The following SCAPER variants were observed in gnomAD, a reference collection of about 807,000 sequenced individuals.
The protein encoded by SCAPER is S phase cyclin A-associated protein in the endoplasmic reticulum.
Under a neutral mutation model 182.2 loss-of-function variants are expected in SCAPER, and 98 were observed. The observed-to-expected ratio is 0.54, with a 90% CI of 0.46 to 0.64. The LOEUF is 0.64. SCAPER is among the 30% of genes least tolerant of loss of function. The probability of loss-of-function intolerance (pLI) is 0.00; values close to 1 mark genes in which losing one functional copy is unlikely to be tolerated. For synonymous variants in SCAPER, 605 were observed against 564.6 expected (o/e 1.07, Z -1.01); for missense variants, 1,432 against 1,690.0 (o/e 0.85, Z 2.68).
At position 76,891,929 on chromosome 15, in the gene SCAPER, A is replaced by G. The variant is rs148475916; in HGVS notation, c.-59-8053T>C. On this transcript the variant is annotated intron_variant, in intron 1 of 31. Coordinates refer to ENST00000563290, the MANE Select transcript of SCAPER (RefSeq NM_020843.4). ...TTCATACTACCTGACTTCAAACTAT[A>G]CTACAAGGCTACAGTAACCAAAACA... Among the ~76,000 whole-genome samples the G allele has an allele frequency of 2.1e-3, 313 of 152,338 alleles. 2 individuals carry two copies. The highest frequency in any genetic ancestry group is 7.0e-3 in the African/African-American group (290 of 41,562).
chr15:76,608,513 G>A (rs978892652), intron 22 of SCAPER, among the ~76,000 whole-genome samples: 5 of 152,130 alleles, frequency 3.3e-5, no homozygotes, highest in Admixed American at 1.3e-4. Context: ...CTCAAGTTGC[G>A]TGCTGGGAGA....
intron 26 of SCAPER, among the ~76,000 whole-genome samples, chr15:76,421,627 T>G: frequency 6.6e-6 from 1 of 152,226 alleles, no homozygotes; most frequent in Non-Finnish European, 1.5e-5. Flanking sequence ...TTAGTTTAAT[T>G]AGATCCCATT....
intron 21 of SCAPER, among the ~76,000 whole-genome samples, chr15:76,627,476 T>A (rs779004886): frequency 1.3e-5 from 2 of 152,040 alleles, no homozygotes; most frequent in Non-Finnish European, 2.9e-5. Flanking sequence ...CCATTGTGTG[T>A]TGTTCCCCTC....
At chr15:76,774,702 C>T (rs2063646351) in intron 9 of SCAPER, among the ~76,000 whole-genome samples, 153 bp downstream of exon 9, 1 of 152,212 alleles carries the variant, frequency 6.6e-6, no homozygotes, top group African/African-American at 2.4e-5. Context: ...GGGAGGAGTT[C>T]GTTGTTCTAT....
chr15:76,359,065 G>A (rs1387165792), intron 29 of SCAPER, among the ~76,000 whole-genome samples: 1 of 152,220 alleles, frequency 6.6e-6, no homozygotes, highest in African/African-American at 2.4e-5. Context: ...GATAGTGTCT[G>A]TGACCATAAA....
At chr15:76,761,106 A>C (rs772346833) in intron 14 of SCAPER, among the ~76,000 whole-genome samples, 11 of 152,116 alleles carry the variant, frequency 7.2e-5, no homozygotes, top group Non-Finnish European at 1.2e-4. Flanking sequence ...CTAGGAATTT[A>C]TCCACTTCTT....
intron 25 of SCAPER, among the ~76,000 whole-genome samples, chr15:76,436,744 A>G (rs1337831590): frequency 6.6e-6 from 1 of 152,196 alleles, no homozygotes; most frequent in Non-Finnish European, 1.5e-5. Flanking sequence ...AGATTGATGA[A>G]TGAATATATC....
Position 76,708,533 on chromosome 15 carries a change from A to G in SCAPER, c.2166-2549T>C, listed in dbSNP as rs76202242. ...ATACATAAATGTAAAAATAGTTTCAAATCAATCAACTAAGCTTCAACCTCA... is the reference window on the plus strand; with the variant it reads ...ATACATAAATGTAAAAATAGTTTCAGATCAATCAACTAAGCTTCAACCTCA... On this transcript the variant is annotated intron_variant, in intron 17 of 31. Coordinates refer to ENST00000563290, the MANE Select transcript of SCAPER (RefSeq NM_020843.4). Among the ~76,000 whole-genome samples the G allele has an allele frequency of 5.0e-3, 754 of 152,246 alleles. 13 individuals are homozygous for G. The highest frequency in any genetic ancestry group is 0.029 in the East Asian group (148 of 5,192).
intron 5 of SCAPER, among the ~76,000 whole-genome samples, chr15:76,816,817 T>G (rs879396063): frequency 7.9e-5 from 12 of 152,134 alleles, no homozygotes; most frequent in Admixed American, 7.2e-4. Context: ...AATGCCCAGC[T>G]AATTTTTTTT....
chr15:76,707,242 A>G (rs924281192), intron 17 of SCAPER, among the ~76,000 whole-genome samples: 1 of 152,146 alleles, frequency 6.6e-6, no homozygotes, highest in Non-Finnish European at 1.5e-5. Flanking sequence ...CTTGAGACAT[A>G]GAAAACAAAT....
intron 5 of SCAPER, among the ~76,000 whole-genome samples, chr15:76,815,983 C>T (rs185313424): frequency 1.1e-4 from 17 of 152,134 alleles, no homozygotes; most frequent in Non-Finnish European, 2.1e-4. Flanking sequence ...AGTAAAAATA[C>T]GTTGCAAAAT....
intron 15 of SCAPER, among the ~76,000 whole-genome samples, chr15:76,738,770 A>G (rs79304333): frequency 0.017 from 2,610 of 152,276 alleles, 58 homozygotes; most frequent in African/African-American, 0.052. Flanking sequence ...TAGTAACTCC[A>G]AAGATCACTT....
At chr15:76,903,863 C>T (rs948559207) in intron 1 of SCAPER, among the ~76,000 whole-genome samples, 11 of 152,130 alleles carry the variant, frequency 7.2e-5, no homozygotes, top group Non-Finnish European at 1.3e-4. Context: ...GGATATTATT[C>T]CTACTTTACA....
At chr15:76,657,187 T>C (rs1055515049) in intron 21 of SCAPER, among the ~76,000 whole-genome samples, 1 of 151,918 alleles carries the variant, frequency 6.6e-6, no homozygotes, top group African/African-American at 2.4e-5. Context: ...AAGATCCAAA[T>C]AAGCACAATC....
intron 5 of SCAPER, among the ~76,000 whole-genome samples, chr15:76,815,475 C>A (rs925698733): frequency 6.6e-6 from 1 of 152,184 alleles, no homozygotes; most frequent in Non-Finnish European, 1.5e-5. Flanking sequence ...CATTGTTAGG[C>A]AATTTCATCA....
chr15:76,556,768 C>T (rs1227003954), intron 23 of SCAPER, among the ~76,000 whole-genome samples: 1 of 151,758 alleles, frequency 6.6e-6, no homozygotes, highest in Non-Finnish European at 1.5e-5. Flanking sequence ...AGCAATCAGG[C>T]ATGAGAAAAA....
chr15:76,354,029 C>T lies in SCAPER; in HGVS notation c.3967G>A (p.Ala1323Thr), dbSNP rs777730048. The T allele has an allele frequency of 1.8e-5, 29 of 1,607,086 alleles. No homozygotes were observed. The highest frequency in any genetic ancestry group is 1.7e-4 in the Middle Eastern group (1 of 6,056). ...LIKVLFPSLI[A>T]ACYNNHQNKI... ...TTCTGATGGTTGTTGTAACAAGCAG[C>T]GATAAGTGAAGGGAACAGTACTTTG... Residue 1323 changes from alanine to threonine, a missense_variant, in exon 30 of 32, where the codon GCT becomes ACT. Ala to Thr is a moderately conservative substitution (Grantham distance 58, BLOSUM62 0). This residue lies in a region of SCAPER where 718 missense variants were observed against 799.7 expected (regional missense o/e 0.90). Coordinates refer to ENST00000563290, the MANE Select transcript of SCAPER (RefSeq NM_020843.4). The surrounding 1 kb of genome is among the most constrained non-coding windows in gnomAD (Gnocchi z 4.4).
chr15:76,655,084 T>C (rs967841584), intron 21 of SCAPER, among the ~76,000 whole-genome samples: 3 of 151,982 alleles, frequency 2.0e-5, no homozygotes, highest in Non-Finnish European at 4.4e-5. Flanking sequence ...ATTCAGAAGA[T>C]GAAAAGGAAT....
chr15:76,733,966 G>A (rs2061080830), intron 15 of SCAPER, among the ~76,000 whole-genome samples: 1 of 152,170 alleles, frequency 6.6e-6, no homozygotes, highest in African/African-American at 2.4e-5. Flanking sequence ...ACATTTTTAA[G>A]TGAAGAAACA....
Sources: allele counts gnomAD v4.1 joint callset (sites outside exome capture counted in the v4.1 genomes callset), GRCh38; gene constraint gnomAD v4.1.1; regional missense constraint gnomAD v4.1.1; non-coding constraint Gnocchi (gnomAD v3.1); transcripts MANE v1.5; gene names NCBI Gene and HGNC (gene_info 2026-07-23, HGNC 2026-07-21).